HGF: variants seen among roughly 807,000 people sequenced by gnomAD.
The protein encoded by HGF is hepatocyte growth factor.
Under a neutral mutation model 111.6 loss-of-function variants are expected in HGF, and 39 were observed. The observed-to-expected ratio is 0.35, with a 90% CI of 0.27 to 0.46. The LOEUF (loss-of-function observed/expected upper bound fraction) is 0.46, where lower values mean the gene tolerates loss of function less well. HGF is among the 20% of genes least tolerant of loss of function. The pLI is 1.00. For synonymous variants in HGF, 285 were observed against 294.8 expected, an observed-to-expected ratio of 0.97 and a Z score of 0.34; for missense variants, 735 against 910.5, an observed-to-expected ratio of 0.81 and a Z score of 2.48.
chr7:81,750,443 G>A lies in HGF; in HGVS notation c.625+1677C>T, dbSNP rs143131569. On this transcript the variant is annotated intron_variant, in intron 5 of 17. Coordinates refer to ENST00000222390, the MANE Select transcript of HGF (RefSeq NM_000601.6). ...AGCATCATGTGCCATTAATACCAAC[G>A]AGCAATGCCCTTTTCTAAGGGAGGT... 2.1e-3 allele frequency among the ~76,000 whole-genome samples: 316 copies of A among 152,168 alleles called. 1 individual carries two copies. Among genetic ancestry groups the A allele is most frequent in the African/African-American group, 7.2e-3 (297 of 41,514 alleles).
chr7:81,724,189 G>C (rs949522021), intron 9 of HGF, among the ~76,000 whole-genome samples: 1 of 152,058 alleles, frequency 6.6e-6, no homozygotes, highest in Admixed American at 6.6e-5. Context: ...GACTCAGCTG[G>C]TACCAAACTT....
chr7:81,745,003 T>G lies in HGF; in HGVS notation c.743A>C (p.Glu248Ala). The change falls in exon 6 of 18, where the codon GAA (glutamate) becomes GCA (alanine). Residue 248 changes from glutamate to alanine, a missense_variant. By Grantham distance (107) the Glu-to-Ala change is moderately radical. Coordinates refer to ENST00000222390, the MANE Select transcript of HGF (RefSeq NM_000601.6). ...GCATGATTCATTAATATTTTACCTT[T>G]CAGGCAAGAATTTGTGCCGGTGTGG... ...QTPHRHKFLP[E>A]RYPDKGFDDN... is the part of the protein sequence containing the mutation. The G allele has an allele frequency of 1.1e-5, 18 of 1,614,014 alleles. No individual in the cohort carries two copies. The highest frequency in any genetic ancestry group is 1.5e-5 in the Non-Finnish European group (18 of 1,179,958).
At chr7:81,704,686 T>C (rs970820952) in intron 17 of HGF, among the ~76,000 whole-genome samples, 2 of 151,816 alleles carry the variant, frequency 1.3e-5, no homozygotes, top group South Asian at 4.1e-4. Context: ...TTCACTATCA[T>C]TGAACTCATT....
intron 5 of HGF, among the ~76,000 whole-genome samples, chr7:81,746,799 GA>G (rs974335145): frequency 4.6e-5 from 7 of 152,010 alleles, no homozygotes; most frequent in Non-Finnish European, 1.0e-4. Context: ...ATGGTTTTAA[GA>G]AAAAATAGCT....
At chr7:81,707,549 GTTAGCT>G (rs1487455848) in intron 13 of HGF, among the ~76,000 whole-genome samples, 185 bp from the exon 14 acceptor site, 1 of 152,042 alleles carries the variant, frequency 6.6e-6, no homozygotes, top group Non-Finnish European at 1.5e-5. Context: ...TGATTGTAGC[GTTAGCT>G]TTTTTTTCAT....
At chr7:81,763,305 C>CAGGCGAGA (rs1789194103) in intron 1 of HGF, among the ~76,000 whole-genome samples, 1 of 152,014 alleles carries the variant, frequency 6.6e-6, no homozygotes, top group South Asian at 2.1e-4. Context: ...AACACAAAGA[C>CAGGCGAGA]AGGCGAGAAA....
chr7:81,754,074 T>G (rs1788634987), intron 4 of HGF, among the ~76,000 whole-genome samples: 1 of 151,934 alleles, frequency 6.6e-6, no homozygotes, highest in Non-Finnish European at 1.5e-5. Flanking sequence ...ATAGCTCTCT[T>G]TTATGGAAAA....
chr7:81,706,507 T>C (rs952766451), intron 14 of HGF, 80 bp from the exon 15 acceptor site: 50 of 1,204,162 alleles, frequency 4.2e-5, no homozygotes, highest in Non-Finnish European at 5.7e-5. Flanking sequence ...ATTGTTATTT[T>C]AGACTATTAA....
rs1309388440 is a variant in HGF at position 81,706,278 on chromosome 7, G to T, written c.1757+9C>A. 5 of 1,611,648 alleles carry T rather than the reference G, an allele frequency of 3.1e-6. No homozygotes were observed. Among genetic ancestry groups the T allele is most frequent in the Non-Finnish European group, 4.2e-6 (5 of 1,178,468 alleles). ...GGTGAAAAATACAAAATCTTCTAAA[G>T]TAACTAACCTGGCAAGCTTCATTAA... On this transcript the variant is annotated intron_variant, in intron 15 of 17. Coordinates refer to ENST00000222390, the MANE Select transcript of HGF (RefSeq NM_000601.6).
At chr7:81,767,629 G>A (rs1341415096) in intron 1 of HGF, among the ~76,000 whole-genome samples, 2 of 152,028 alleles carry the variant, frequency 1.3e-5, no homozygotes, top group Non-Finnish European at 2.9e-5. Context: ...TTCTATATAG[G>A]CTAACTCCTA....
intron 4 of HGF, among the ~76,000 whole-genome samples, chr7:81,752,576 T>C (rs5745644): frequency 1.9e-4 from 29 of 152,102 alleles, no homozygotes; most frequent in Admixed American, 1.8e-3. Flanking sequence ...CACTAAAAGA[T>C]AGCAGGTGAT....
chr7:81,725,044 T>C (rs1054582337), intron 9 of HGF, among the ~76,000 whole-genome samples: 17 of 152,210 alleles, frequency 1.1e-4, no homozygotes, highest in African/African-American at 4.1e-4. Flanking sequence ...TCTGAATTAC[T>C]GAAACAACCA....
intron 9 of HGF, among the ~76,000 whole-genome samples, chr7:81,722,682 C>T (rs1316184435): frequency 4.0e-5 from 6 of 150,138 alleles, no homozygotes; most frequent in Non-Finnish European, 4.4e-5. Context: ...GGTGTGGTGG[C>T]GTGTGCCTGT....
At chr7:81,735,055 T>C (rs571835278) in intron 7 of HGF, among the ~76,000 whole-genome samples, 15 of 151,982 alleles carry the variant, frequency 9.9e-5, no homozygotes, top group Non-Finnish European at 2.1e-4. Context: ...TTGAGAACAG[T>C]GTGTAATAAA....
intron 16 of HGF, 38 bp downstream of exon 16, chr7:81,705,608 TA>T: frequency 6.3e-7 from 1 of 1,597,298 alleles, no homozygotes; most frequent in Non-Finnish European, 8.6e-7. Context: ...CTTTTTAAAA[TA>T]AAATAAATAT....
intron 2 of HGF, among the ~76,000 whole-genome samples, chr7:81,761,422 T>C (rs1789071481): frequency 6.6e-6 from 1 of 152,086 alleles, no homozygotes; most frequent in Non-Finnish European, 1.5e-5. Context: ...AACATTTATT[T>C]CTCTGAAAAA....
intron 5 of HGF, among the ~76,000 whole-genome samples, chr7:81,748,820 T>C (rs1419171963): frequency 6.6e-6 from 1 of 152,220 alleles, no homozygotes; most frequent in African/African-American, 2.4e-5. Flanking sequence ...AAACTGTATA[T>C]GAATTAGAAA....
intron 14 of HGF, 54 bp from the exon 15 acceptor site, chr7:81,706,481 A>G (rs1377214241): frequency 1.4e-6 from 2 of 1,388,712 alleles, no homozygotes; most frequent in East Asian, 4.6e-5. Context: ...CAAATTCTGT[A>G]GTATTATTCC....
intron 8 of HGF, among the ~76,000 whole-genome samples, chr7:81,727,733 G>A (rs375293787): frequency 1.6e-4 from 25 of 152,034 alleles, no homozygotes; most frequent in Admixed American, 6.6e-4. Context: ...CCATCCTCCC[G>A]TCTCATCCTC....
Sources: allele counts gnomAD v4.1 joint callset (sites outside exome capture counted in the v4.1 genomes callset), GRCh38; gene constraint gnomAD v4.1.1; transcripts MANE v1.5; gene names NCBI Gene and HGNC (gene_info 2026-07-23, HGNC 2026-07-21).